Variants in DHX40 observed in about 807,000 individuals in gnomAD.
DHX40 encodes probable ATP-dependent RNA helicase DHX40.
In DHX40, 28 loss-of-function variants were observed where a neutral mutation model predicts 89.6. That is an observed-to-expected ratio of 0.31 (90% confidence interval 0.23 to 0.43). DHX40 has a LOEUF of 0.43. DHX40 is among the 20% of genes least tolerant of loss of function. The pLI is 1.00. For missense variants in DHX40, 457 were observed against 844.0 expected (o/e 0.54, Z 5.68); for synonymous variants, 226 against 283.6 (o/e 0.80, Z 2.04).
intron 2 of DHX40, among the ~76,000 whole-genome samples, chr17:59,569,964 A>T (rs1374874905): frequency 7.0e-6 from 1 of 143,524 alleles, no homozygotes; most frequent in Non-Finnish European, 1.5e-5. Flanking sequence ...GAGTTGCTTG[A>T]ACCTGGGACG....
Position 59,607,252 on chromosome 17 carries a change from A to C in DHX40, c.*80A>C. The C allele has an allele frequency of 6.2e-7, 1 of 1,613,768 alleles. No individual in the cohort carries two copies. The highest frequency in any genetic ancestry group is 1.1e-5 in the South Asian group (1 of 91,084). Reference sequence around the variant, plus strand: ...TACTTTGCCAGTTATTTCAGACAGCACTACCAAGAGGAGGTGGTCAGCACT... The same window carrying C: ...TACTTTGCCAGTTATTTCAGACAGCCCTACCAAGAGGAGGTGGTCAGCACT... On this transcript the variant is annotated 3_prime_UTR_variant, in exon 18 of 18. Transcript: ENST00000251241.
chr17:59,568,695 C>T (rs2048743097), intron 2 of DHX40, among the ~76,000 whole-genome samples: 1 of 151,902 alleles, frequency 6.6e-6, no homozygotes, highest in Admixed American at 6.6e-5. Context: ...TTTTGGACCT[C>T]CACTGACTGT....
At chr17:59,594,017 T>A (rs1044259155) in intron 12 of DHX40, among the ~76,000 whole-genome samples, 2 of 151,898 alleles carry the variant, frequency 1.3e-5, no homozygotes, top group African/African-American at 4.8e-5. Context: ...GTTAGGAGAC[T>A]ACTTTCATGG....
chr17:59,587,170 C>G (rs1040584461), intron 11 of DHX40, among the ~76,000 whole-genome samples: 2 of 149,764 alleles, frequency 1.3e-5, no homozygotes, highest in African/African-American at 5.0e-5. Flanking sequence ...AAAAAAAAAA[C>G]GGTAAAATTG....
chr17:59,607,368 G>T lies in DHX40; in HGVS notation c.*196G>T. 1.9e-6 allele frequency: 2 copies of T among 1,042,692 alleles called. No homozygotes were observed. Among genetic ancestry groups the T allele is most frequent in the Non-Finnish European group, 2.8e-6 (2 of 704,690 alleles). The allele number at this position is 1,042,692 out of a possible 1,614,324, so 64.6% of individuals were successfully genotyped here. A position where few individuals can be genotyped will look rare whatever the true frequency, so the allele number is the denominator to read the frequency against. On this transcript the variant is annotated 3_prime_UTR_variant, in exon 18 of 18. Transcript: ENST00000251241. The stretch of plus-strand genomic sequence containing the variant: ...ATGCAGTTGTCAAAGAAAAGATTTG[G>T]TTGCCATAGTCATAAGCAATGATAC...
chr17:59,598,177 A>G (rs898728258), intron 12 of DHX40, among the ~76,000 whole-genome samples: 25 of 151,916 alleles, frequency 1.6e-4, no homozygotes, highest in Non-Finnish European at 2.9e-4. Context: ...CTATATTGCT[A>G]TTTTTGAGAA....
intron 16 of DHX40, 74 bp downstream of exon 16, chr17:59,605,258 A>T: frequency 2.0e-6 from 3 of 1,465,126 alleles, no homozygotes; most frequent in Non-Finnish European, 2.8e-6. Context: ...AATGTCTTCT[A>T]CTTTTCACTT....
At position 59,568,355 on chromosome 17, in the gene DHX40, T is replaced by TA. The variant is rs776670121; in HGVS notation, c.280+1567dup. Reference sequence around the variant, plus strand: ...GTATTATATTGGATATGATTTGCCTTAAAAAATAACAAATGTATTATTCTA... The same window carrying TA: ...GTATTATATTGGATATGATTTGCCTTAAAAAAATAACAAATGTATTATTCTA... On this transcript the variant is annotated intron_variant, in intron 2 of 17. Transcript: ENST00000251241. Among the ~76,000 whole-genome samples, 17 of 152,324 alleles carry TA rather than the reference T, an allele frequency of 1.1e-4. No individual in the cohort carries two copies. In the East Asian group the frequency reaches 2.7e-3, roughly 24 times the overall value.
At chr17:59,585,502 T>C (rs2048981276) in intron 10 of DHX40, among the ~76,000 whole-genome samples, 1 of 151,340 alleles carries the variant, frequency 6.6e-6, no homozygotes, top group Admixed American at 6.6e-5. Flanking sequence ...GCGGGCGGAT[T>C]GCTTAAGCAC....
At chr17:59,566,574 GTCAGAGATATC>G in intron 1 of DHX40, 42 bp from the exon 2 acceptor site, 1 of 1,494,978 alleles carries the variant, frequency 6.7e-7, no homozygotes, top group Non-Finnish European at 8.9e-7. Flanking sequence ...GAGAAATTGA[GTCAGAGATATC>G]TTTACAAGTC....
intron 3 of DHX40, among the ~76,000 whole-genome samples, chr17:59,570,903 A>C (rs1023454958): frequency 6.6e-6 from 1 of 152,180 alleles, no homozygotes; most frequent in Admixed American, 6.6e-5. Context: ...TTTTAACTTC[A>C]AAGTTCAATA....
At chr17:59,567,730 T>C (rs1002207715) in intron 2 of DHX40, among the ~76,000 whole-genome samples, 38 of 138,738 alleles carry the variant, frequency 2.7e-4, no homozygotes, top group African/African-American at 9.5e-4. Flanking sequence ...ATCGGGACCA[T>C]CATGGCTAAC....
chr17:59,589,460 A>G (rs1256111377), intron 12 of DHX40, among the ~76,000 whole-genome samples: 1 of 144,272 alleles, frequency 6.9e-6, no homozygotes, highest in African/African-American at 2.6e-5. Context: ...TGACCTTGTG[A>G]TCCACCCGCC....
In DHX40 at chr17:59,581,787, A is replaced by C. The variant is rs1305744647; in HGVS notation, c.1343+1908A>C. Among the ~76,000 whole-genome samples, 2 of 120,372 alleles carry C rather than the reference A, an allele frequency of 1.7e-5. 1 individual carries two copies. Among genetic ancestry groups the C allele is most frequent in the East Asian group, 6.0e-4 (2 of 3,356 alleles). The allele number at this position is 120,372 out of a possible 152,430, so 79.0% of individuals were successfully genotyped here. ...AAAAAAAAAAAAAACCAAAAAAAGC[A>C]AAAAAAAACCCCAAAACCCACAAAT... On this transcript the variant is annotated intron_variant, in intron 10 of 17. Transcript: ENST00000251241.
chr17:59,605,371 G>T, intron 16 of DHX40, 75 bp from the exon 17 acceptor site: 1 of 1,449,570 alleles, frequency 6.9e-7, no homozygotes, highest in African/African-American at 1.4e-5. Context: ...AGAAGGATTT[G>T]GACTATTTGG....
chr17:59,606,011 C>T (rs1397052637), intron 17 of DHX40, among the ~76,000 whole-genome samples: 1 of 151,792 alleles, frequency 6.6e-6, no homozygotes, highest in Non-Finnish European at 1.5e-5. Flanking sequence ...ACTCAGAATC[C>T]CCTTTGTTTC....
chr17:59,570,097 TATATATTATAA>T (rs1567857894), intron 2 of DHX40, among the ~76,000 whole-genome samples: 6 of 129,142 alleles, frequency 4.6e-5, no homozygotes, highest in Admixed American at 9.2e-5. Context: ...TAATATATAG[TATATATTATAA>T]TATATTATAA....
chr17:59,599,430 T>G lies in DHX40; in HGVS notation c.1753T>G (p.Ser585Ala). Residue 585 changes from serine to alanine, a missense_variant, in exon 14 of 18, where the codon TCT (serine) becomes GCT (alanine). By Grantham distance (99) the Ser-to-Ala change is moderately conservative. Around this residue, in one of 9 missense-constraint regions of DHX40, gnomAD observed 6 missense variants for 77.3 expected, o/e 0.08. Coordinates refer to ENST00000251241, the MANE Select transcript of DHX40 (RefSeq NM_024612.5). ...KHWIHWRCLFSAFRVEAQLRE... is the reference protein window; with the variant it reads ...KHWIHWRCLFAAFRVEAQLRE... ...CTGGATTCATTGGAGGTGCTTATTT[T>G]CTGCATTTCGTGTGGAAGCTCAACT... 6.2e-7 allele frequency: 1 copy of G among 1,608,982 alleles called. No homozygotes were observed. Among genetic ancestry groups the G allele is most frequent in the Non-Finnish European group, 8.5e-7 (1 of 1,178,028 alleles).
intron 2 of DHX40, among the ~76,000 whole-genome samples, chr17:59,567,496 T>C (rs545293682): frequency 1.3e-5 from 2 of 152,342 alleles, no homozygotes; most frequent in Non-Finnish European, 2.9e-5. Flanking sequence ...AATCTGCTTT[T>C]TGTTTTCTGT....
Sources: gnomAD v4.1 joint callset for allele counts (sites outside exome capture counted in the v4.1 genomes callset) on GRCh38, gnomAD v4.1.1 for gene constraint, gnomAD v4.1.1 regional missense constraint, MANE v1.5 for transcripts, NCBI Gene and HGNC (gene_info 2026-07-23, HGNC 2026-07-21) for gene names.